The following UBAP1 variants were observed in gnomAD, a reference collection of about 807,000 sequenced individuals.
The protein encoded by UBAP1 is ubiquitin associated protein 1, also known as ubiquitin-associated protein 1.
A neutral mutation model predicts 39.0 loss-of-function variants in UBAP1; 5 were observed. The ratio of observed to expected loss-of-function variants is 0.13; its 90% confidence interval spans 0.07 to 0.27. The LOEUF is 0.27. Among genes scored for constraint, UBAP1 ranks in the 10% least tolerant of loss-of-function variants. The probability of loss-of-function intolerance (pLI) is 1.00; values close to 1 mark genes in which losing one functional copy is unlikely to be tolerated. For missense variants in UBAP1, 490 were observed against 608.1 expected (o/e 0.81, Z 2.04); for synonymous variants, 211 against 225.1 (o/e 0.94, Z 0.56).
intron 3 of UBAP1, among the ~76,000 whole-genome samples, chr9:34,237,298 G>C (rs944343300): frequency 6.6e-6 from 1 of 152,120 alleles, no homozygotes; most frequent in Non-Finnish European, 1.5e-5. Flanking sequence ...AAGTTACCTA[G>C]AGCAACAGAA....
intron 1 of UBAP1, among the ~76,000 whole-genome samples, chr9:34,182,846 G>A (rs542692295): frequency 8.7e-4 from 133 of 152,010 alleles, no homozygotes; most frequent in African/African-American, 3.0e-3. Context: ...GAATAGCTGG[G>A]ACTACAGGTG....
intron 1 of UBAP1, among the ~76,000 whole-genome samples, chr9:34,208,244 A>C (rs1831820044): frequency 6.6e-6 from 1 of 151,946 alleles, no homozygotes; most frequent in South Asian, 2.1e-4. Context: ...AAGGATTTTC[A>C]TATCTGTATT....
intron 1 of UBAP1, among the ~76,000 whole-genome samples, chr9:34,182,671 C>CTTTCTTTCTTTT (rs1830139827): frequency 2.3e-5 from 2 of 87,946 alleles, no homozygotes; most frequent in Non-Finnish European, 2.3e-5. Flanking sequence ...TTCTTTCTTT[C>CTTTCTTTCTTTT]TTTCTTTCTT....
chr9:34,219,322 C>G (rs1832528552), intron 1 of UBAP1, among the ~76,000 whole-genome samples: 1 of 152,060 alleles, frequency 6.6e-6, no homozygotes, highest in South Asian at 2.1e-4. Context: ...CTCCTGGGCT[C>G]AAGTAATCCA....
chr9:34,231,399 A>G (rs777040323), intron 2 of UBAP1, among the ~76,000 whole-genome samples: 78 of 151,332 alleles, frequency 5.2e-4, no homozygotes, highest in Non-Finnish European at 4.4e-4. Context: ...TATTTTTAGT[A>G]GAGATGGGGT....
At chr9:34,179,516 G>A (rs1285786195) in intron 1 of UBAP1, among the ~76,000 whole-genome samples, 2 of 152,060 alleles carry the variant, frequency 1.3e-5, no homozygotes, top group Non-Finnish European at 2.9e-5. Context: ...TGGAAGACAG[G>A]CATAGTAGAC....
intron 3 of UBAP1, among the ~76,000 whole-genome samples, chr9:34,237,853 C>T (rs1362419010): frequency 3.9e-5 from 6 of 152,226 alleles, no homozygotes; most frequent in Admixed American, 3.3e-4. Context: ...CAGGTGTCAG[C>T]CACCATGCCC....
chr9:34,193,868 T>C (rs921206929), intron 1 of UBAP1, among the ~76,000 whole-genome samples: 3 of 152,146 alleles, frequency 2.0e-5, no homozygotes, highest in African/African-American at 7.2e-5. Flanking sequence ...TCTCAGGGTA[T>C]AGGGCAGTCC....
chr9:34,219,455 G>A (rs557200231), intron 1 of UBAP1, among the ~76,000 whole-genome samples: 2 of 152,132 alleles, frequency 1.3e-5, no homozygotes, highest in South Asian at 2.1e-4. Flanking sequence ...ACCATATAAC[G>A]TTCAGAAATA....
At chr9:34,194,237 A>T (rs1180439835) in intron 1 of UBAP1, among the ~76,000 whole-genome samples, 1 of 152,188 alleles carries the variant, frequency 6.6e-6, no homozygotes, top group East Asian at 1.9e-4. Flanking sequence ...TTTGAGGGCT[A>T]AAAAATTATA....
intron 2 of UBAP1, among the ~76,000 whole-genome samples, chr9:34,228,579 C>CTT (rs1833234665): frequency 1.2e-5 from 1 of 86,078 alleles, no homozygotes. Context: ...TCCCCCCCCC[C>CTT]CTTTTTTTTT....
chr9:34,214,125 C>G (rs1263876453), intron 1 of UBAP1, among the ~76,000 whole-genome samples: 4 of 151,960 alleles, frequency 2.6e-5, no homozygotes, highest in Non-Finnish European at 4.4e-5. Context: ...AATGTAATCC[C>G]CATCAAAATA....
intron 1 of UBAP1, among the ~76,000 whole-genome samples, chr9:34,194,341 G>A (rs184393896): frequency 3.8e-4 from 57 of 150,184 alleles, no homozygotes; most frequent in Middle Eastern, 3.4e-3. Flanking sequence ...TTGAGATGGA[G>A]TCTCGCTCTG....
intron 3 of UBAP1, among the ~76,000 whole-genome samples, chr9:34,239,721 T>C (rs1833869453): frequency 6.6e-6 from 1 of 152,160 alleles, no homozygotes; most frequent in Admixed American, 6.5e-5. Context: ...TCTTCATCTG[T>C]AAAGGGAGGA....
Position 34,241,381 on chromosome 9 carries a change from C to G in UBAP1, c.356C>G (p.Pro119Arg), listed in dbSNP as rs1291560729. The G allele has an allele frequency of 6.4e-7, 1 of 1,559,776 alleles. No individual in the cohort carries two copies. The highest frequency in any genetic ancestry group is 8.7e-7 in the Non-Finnish European group (1 of 1,153,140). The change falls in exon 4 of 7, where the codon CCC (proline) becomes CGC (arginine). Residue 119 changes from proline to arginine, a missense_variant. Physicochemically the swap from Pro to Arg is moderately radical, Grantham distance 103. Coordinates refer to ENST00000297661, the MANE Select transcript of UBAP1 (RefSeq NM_016525.5). ...GCCACAATGCCACCTCCTATTAACC[C>G]CATCCTCGCCAGCTTGCAGCACAAC... ...STATMPPPIN[P>R]ILASLQHNSI...
At chr9:34,193,120 A>G (rs1830825463) in intron 1 of UBAP1, among the ~76,000 whole-genome samples, 3 of 152,038 alleles carry the variant, frequency 2.0e-5, no homozygotes, top group Admixed American at 1.3e-4. Flanking sequence ...CAGCTTGGCC[A>G]ATGTGGCAAA....
intron 5 of UBAP1, among the ~76,000 whole-genome samples, chr9:34,250,424 G>A (rs1008243143): frequency 1.3e-5 from 2 of 152,216 alleles, no homozygotes; most frequent in African/African-American, 4.8e-5. Context: ...AGCTGTGGCT[G>A]CAACTCCTTT....
At chr9:34,209,489 C>A (rs1018103098) in intron 1 of UBAP1, among the ~76,000 whole-genome samples, 1 of 152,012 alleles carries the variant, frequency 6.6e-6, no homozygotes, top group Admixed American at 6.6e-5. Flanking sequence ...TGGGGCAATT[C>A]AGTATTGATA....
At chr9:34,189,631 T>A (rs1267197002) in intron 1 of UBAP1, among the ~76,000 whole-genome samples, 2 of 151,732 alleles carry the variant, frequency 1.3e-5, no homozygotes, top group East Asian at 3.9e-4. Flanking sequence ...ATTTGGAAAT[T>A]ATTATTATTA....
Sources: gnomAD v4.1 joint callset for allele counts (sites outside exome capture counted in the v4.1 genomes callset) on GRCh38, gnomAD v4.1.1 for gene constraint, MANE v1.5 for transcripts, NCBI Gene and HGNC (gene_info 2026-07-23, HGNC 2026-07-21) for gene names.